WDR25: variants seen among roughly 807,000 people sequenced by gnomAD.
WDR25 encodes the protein WD repeat domain 25.
In WDR25, 35 loss-of-function variants were observed where a neutral mutation model predicts 47.7. The observed-to-expected ratio is 0.73, with a 90% CI of 0.56 to 0.97. The LOEUF is 0.97. Ranked by LOEUF, WDR25 falls within the 50% of genes least tolerant of loss-of-function variation. The pLI, the probability that WDR25 is intolerant of heterozygous loss-of-function variation, is 0.00. For synonymous variants in WDR25, 248 were observed against 278.9 expected (o/e 0.89, Z 1.10); for missense variants, 634 against 704.7 (o/e 0.90, Z 1.14).
chr14:100,403,716 T>C (rs903736309), intron 2 of WDR25, among the ~76,000 whole-genome samples: 2 of 152,182 alleles, frequency 1.3e-5, no homozygotes, highest in African/African-American at 4.8e-5. Flanking sequence ...GCTGATGAAC[T>C]CAACTTTTTA....
chr14:100,458,625 C>T (rs11160588), intron 2 of WDR25, among the ~76,000 whole-genome samples: 43,937 of 151,922 alleles, frequency 0.29, 6,849 homozygotes, highest in East Asian at 0.52. Flanking sequence ...TTCAATTGCC[C>T]ATGGAATGTC....
rs1899195721 is a variant in WDR25, at chr14:100,456,113, C to T, written c.823-11908C>T. 2.0e-5 allele frequency among the ~76,000 whole-genome samples: 3 copies of T among 152,122 alleles called. No individual in the cohort carries two copies. In the South Asian group the frequency reaches 6.2e-4, roughly 31 times the overall value. ...TGGTGCATGCCTGTAATCCCAGCTA[C>T]TTGCGAGGATGAGGTGGGAGGATCA... On this transcript the variant is annotated intron_variant, in intron 2 of 6. Transcript: ENST00000402312.
intron 2 of WDR25, among the ~76,000 whole-genome samples, chr14:100,463,160 C>T (rs1899484801): frequency 6.6e-6 from 1 of 151,200 alleles, no homozygotes; most frequent in Admixed American, 6.6e-5. Context: ...CCCAATTCCT[C>T]CATCACTCCT....
chr14:100,439,964 A>G (rs970074308), intron 2 of WDR25, among the ~76,000 whole-genome samples: 6 of 152,202 alleles, frequency 3.9e-5, no homozygotes, highest in African/African-American at 1.2e-4. Context: ...AGTTGGAGGA[A>G]GCCTGGGCCC....
At chr14:100,510,803 A>G (rs1317371416) in intron 4 of WDR25, among the ~76,000 whole-genome samples, 1 of 147,946 alleles carries the variant, frequency 6.8e-6, no homozygotes, top group Non-Finnish European at 1.5e-5. Context: ...GGGTCTCGCC[A>G]TGTTGCCCAG....
intron 4 of WDR25, among the ~76,000 whole-genome samples, chr14:100,495,650 A>G (rs1285642953): frequency 2.0e-5 from 3 of 152,156 alleles, no homozygotes; most frequent in South Asian, 2.1e-4. Context: ...TCACCTATCT[A>G]TGTCTCCAGT....
chr14:100,471,520 A>T (rs1474749116), intron 3 of WDR25, among the ~76,000 whole-genome samples: 1 of 152,152 alleles, frequency 6.6e-6, no homozygotes, highest in Non-Finnish European at 1.5e-5. Flanking sequence ...CTCTTCGCTG[A>T]GTCTGATCTC....
Position 100,425,904 on chromosome 14 carries a change from G to C in WDR25, c.823-42117G>C, listed in dbSNP as rs1228634600. Among the ~76,000 whole-genome samples the C allele has an allele frequency of 6.6e-6, 1 of 152,182 alleles. No individual in the cohort carries two copies. The highest frequency in any genetic ancestry group is 2.4e-5 in the African/African-American group (1 of 41,424). ...CTCAACATGAGGCAAGGGGTATTCA[G>C]TGGGGCCAGGGCGAGACCCTGGGCC... On this transcript the variant is annotated intron_variant, in intron 2 of 6. Transcript: ENST00000402312. This position sits in a 1 kb window ranked among gnomAD's most constrained non-coding sequence, Gnocchi z 4.8.
At chr14:100,391,461 C>T (rs1048487861) in intron 2 of WDR25, among the ~76,000 whole-genome samples, 2 of 152,182 alleles carry the variant, frequency 1.3e-5, no homozygotes, top group African/African-American at 4.8e-5. Flanking sequence ...TCTTCCCATC[C>T]GGCTTATTCC....
intron 2 of WDR25, among the ~76,000 whole-genome samples, chr14:100,443,016 C>T (rs1438604813): frequency 4.6e-5 from 7 of 152,232 alleles, no homozygotes; most frequent in Non-Finnish European, 8.8e-5. Context: ...CCGCACTGCT[C>T]GGCAGGCCCC....
intron 4 of WDR25, among the ~76,000 whole-genome samples, chr14:100,496,233 G>T (rs1273866467): frequency 6.6e-6 from 1 of 152,166 alleles, no homozygotes; most frequent in Non-Finnish European, 1.5e-5. Flanking sequence ...AGTGAGACTT[G>T]GTAGTTGCAT....
intron 2 of WDR25, among the ~76,000 whole-genome samples, chr14:100,459,892 GTGTATATA>G (rs1401439415): frequency 8.5e-5 from 3 of 35,188 alleles, no homozygotes; most frequent in South Asian, 7.2e-4. Flanking sequence ...ATGTGTGTGT[GTGTATATA>G]TATATATATA....
intron 3 of WDR25, among the ~76,000 whole-genome samples, chr14:100,470,842 A>G (rs1899805849): frequency 6.6e-6 from 1 of 152,206 alleles, no homozygotes; most frequent in African/African-American, 2.4e-5. Context: ...AAAGAAAAGC[A>G]TGGCCCTGCC....
chr14:100,380,822 T>C (rs1025670651), intron 1 of WDR25, 88 bp from the exon 2 acceptor site: 1 of 1,242,992 alleles, frequency 8.0e-7, no homozygotes, highest in Non-Finnish European at 1.1e-6. Flanking sequence ...TGTTGAGTTA[T>C]TGGATTTCCT....
intron 2 of WDR25, among the ~76,000 whole-genome samples, chr14:100,405,350 G>A (rs1327459418): frequency 5.3e-5 from 8 of 151,926 alleles, no homozygotes; most frequent in African/African-American, 1.9e-4. Context: ...TAGTAGAGAC[G>A]GGGTTTGTCC....
intron 2 of WDR25, among the ~76,000 whole-genome samples, chr14:100,456,839 C>A (rs34590632): frequency 6.6e-6 from 1 of 152,014 alleles, no homozygotes; most frequent in African/African-American, 2.4e-5. Flanking sequence ...ATGGCTGAAA[C>A]TTTTCTAAAT....
At chr14:100,462,293 C>T (rs1445565665) in intron 2 of WDR25, among the ~76,000 whole-genome samples, 1 of 152,190 alleles carries the variant, frequency 6.6e-6, no homozygotes, top group Non-Finnish European at 1.5e-5. Flanking sequence ...CTAGTTAATA[C>T]ATGAAATCAT....
At chr14:100,519,819 C>T (rs1901646876) in intron 4 of WDR25, among the ~76,000 whole-genome samples, 1 of 131,614 alleles carries the variant, frequency 7.6e-6, no homozygotes, top group Non-Finnish European at 1.6e-5. Flanking sequence ...TATATGTATA[C>T]TATATGTATA....
Position 100,499,183 on chromosome 14 carries a change from G to A in WDR25, c.1101+15059G>A, listed in dbSNP as rs1459700271. Among the ~76,000 whole-genome samples, 1 of 151,866 alleles carries A rather than the reference G, an allele frequency of 6.6e-6. No individual in the cohort carries two copies. Among genetic ancestry groups the A allele is most frequent in the Non-Finnish European group, 1.5e-5 (1 of 68,016 alleles). The stretch of plus-strand genomic sequence containing the variant: ...CAGCCATAACCACCACTGACAGTTG[G>A]TATCCTTCATTCAATTGTTTTATGC... On this transcript the variant is annotated intron_variant, in intron 4 of 6. Coordinates refer to ENST00000402312, the MANE Select transcript of WDR25 (RefSeq NM_001161476.3). This position sits in a 1 kb window ranked among gnomAD's most constrained non-coding sequence, Gnocchi z 4.4.
Sources: allele counts gnomAD v4.1 joint callset (sites outside exome capture counted in the v4.1 genomes callset), GRCh38; gene constraint gnomAD v4.1.1; non-coding constraint Gnocchi (gnomAD v3.1); transcripts MANE v1.5; gene names NCBI Gene and HGNC (gene_info 2026-07-23, HGNC 2026-07-21).